Variants in DAGLB observed in about 807,000 individuals in gnomAD.
The protein encoded by DAGLB is diacylglycerol lipase beta.
In DAGLB, 66 loss-of-function variants were observed where a neutral mutation model predicts 72.1. That is an observed-to-expected ratio of 0.92 (90% CI 0.75 to 1.12). DAGLB has a LOEUF of 1.12. Ranked by LOEUF, DAGLB falls within the 50% of genes most tolerant of loss-of-function variation. The probability of loss-of-function intolerance (pLI) is 0.00; values close to 1 mark genes in which losing one functional copy is unlikely to be tolerated. For synonymous variants in DAGLB, 414 were observed against 359.5 expected (o/e 1.15, Z -1.71); for missense variants, 1,065 against 884.9 (o/e 1.20, Z -2.58).
intron 13 of DAGLB, 104 bp from the exon 14 acceptor site, chr7:6,410,484 C>T (rs1156256889): frequency 2.1e-5 from 31 of 1,477,024 alleles, no homozygotes; most frequent in Non-Finnish European, 2.7e-5. Flanking sequence ...GCCCTTTGAC[C>T]CAGAAACCCC....
In DAGLB at chr7:6,437,961, C is replaced by A. The variant is rs532408779; in HGVS notation, c.248-1428G>T. 2.0e-5 allele frequency among the ~76,000 whole-genome samples: 3 copies of A among 152,104 alleles called. No individual in the cohort carries two copies. The South Asian group carries it at 6.2e-4, about 32-fold the overall frequency. ...CCTACCAGGAAATAGCTTTTAAATT[C>A]AAAAAATTATCTTCTGTTAGAATGA... is the stretch of plus-strand genomic sequence containing the variant. On this transcript the variant is annotated intron_variant, in intron 2 of 14. Transcript: ENST00000297056.
chr7:6,433,591 G>C (rs1784560450), intron 4 of DAGLB, among the ~76,000 whole-genome samples: 1 of 152,180 alleles, frequency 6.6e-6, no homozygotes, highest in South Asian at 2.1e-4. Flanking sequence ...TGTAATCCCA[G>C]CACTTTGGGA....
At chr7:6,430,284 C>G (rs56197419) in intron 6 of DAGLB, among the ~76,000 whole-genome samples, 196 bp downstream of exon 6, 11 of 47,800 alleles carry the variant, frequency 2.3e-4, no homozygotes, top group South Asian at 6.6e-4. Context: ...TATATATATG[C>G]AGGGGGGAGG....
chr7:6,416,091 A>G (rs1054211756), intron 11 of DAGLB, among the ~76,000 whole-genome samples: 3 of 152,102 alleles, frequency 2.0e-5, no homozygotes, highest in African/African-American at 4.8e-5. Flanking sequence ...GATCCCTACA[A>G]TCTGCTGCTC....
chr7:6,418,669 TG>T (rs1409630965), intron 9 of DAGLB, among the ~76,000 whole-genome samples: 96 of 119,988 alleles, frequency 8.0e-4, no homozygotes, highest in African/African-American at 4.5e-3. Context: ...TTTCTTTTTT[TG>T]TTTTTTTTTT....
intron 5 of DAGLB, among the ~76,000 whole-genome samples, chr7:6,431,916 C>G (rs1280083640): frequency 2.0e-5 from 3 of 152,150 alleles, no homozygotes; most frequent in Non-Finnish European, 4.4e-5. Context: ...GATTCCAACC[C>G]TGCTGCTAAT....
Position 6,436,358 on chromosome 7 carries a change from T to C in DAGLB, c.419+4A>G. Reference sequence around the variant, plus strand: ...AAACTCAAAGAGAAGAAGGGAGATGTCACCTGACCACGACGGTTGCGATGA... The same window carrying C: ...AAACTCAAAGAGAAGAAGGGAGATGCCACCTGACCACGACGGTTGCGATGA... On this transcript the variant is annotated splice_donor_region_variant and intron_variant, in intron 3 of 14. Transcript: ENST00000297056. 6.2e-7 allele frequency: 1 copy of C among 1,601,866 alleles called. No individual in the cohort carries two copies. The highest frequency in any genetic ancestry group is 8.5e-7 in the Non-Finnish European group (1 of 1,175,742).
At position 6,424,848 on chromosome 7, in the gene DAGLB, G is replaced by C; in HGVS notation, c.1057-13C>G. ...GCAGCTCGTAAACCTGCAGGAGCAA[G>C]AAACAAGCATGGGGCCTAAACAGTG... On this transcript the variant is annotated splice_polypyrimidine_tract_variant and intron_variant, in intron 7 of 14. Transcript: ENST00000297056. 1.2e-6 allele frequency: 2 copies of C among 1,613,298 alleles called. No individual in the cohort carries two copies. The highest frequency in any genetic ancestry group is 1.7e-6 in the Non-Finnish European group (2 of 1,179,436).
chr7:6,432,130 T>G (rs928169412), intron 5 of DAGLB, among the ~76,000 whole-genome samples: 3 of 150,318 alleles, frequency 2.0e-5, no homozygotes, highest in Non-Finnish European at 4.4e-5. Context: ...GCAGGCAGAT[T>G]ACCTGAGGTC....
intron 8 of DAGLB, chr7:6,422,136 G>T: frequency 1.0e-5 from 4 of 388,844 alleles, no homozygotes. Context: ...ACAAAGCCTG[G>T]TTCCCGTCCT....
intron 4 of DAGLB, 124 bp from the exon 5 acceptor site, chr7:6,433,083 G>T: frequency 7.1e-7 from 1 of 1,401,888 alleles, no homozygotes; most frequent in Non-Finnish European, 9.3e-7. Flanking sequence ...AGACACAGAG[G>T]TATGTTAAAA....
chr7:6,425,175 C>T (rs1475389178), intron 7 of DAGLB, among the ~76,000 whole-genome samples: 2 of 152,228 alleles, frequency 1.3e-5, no homozygotes, highest in African/African-American at 4.8e-5. Flanking sequence ...GTGGGAGAGC[C>T]GCCGATCTGC....
Position 6,436,420 on chromosome 7 carries a change from C to T in DAGLB, c.361G>A (p.Asp121Asn), listed in dbSNP as rs773289388. 1.9e-6 allele frequency: 3 copies of T among 1,614,138 alleles called. No homozygotes were observed. The highest frequency in any genetic ancestry group is 2.5e-6 in the Non-Finnish European group (3 of 1,180,032). The change falls in exon 3 of 15, where the codon GAT (aspartate) becomes AAT (asparagine). Residue 121 changes from aspartate (D) to asparagine (N), a missense_variant. Transcript: ENST00000297056. The part of the protein sequence containing the change: ...WASLGAAWVA[D>N]GVQCDRTVVN... ...ACTGTCCTGTCGCACTGAACACCAT[C>T]TGCCACCCAGGCAGCCCCCAGAGAG...
Position 6,409,620 on chromosome 7 carries a change from TC to T in DAGLB, c.*216del, listed in dbSNP as rs1360017963. On this transcript the variant is annotated 3_prime_UTR_variant, in exon 15 of 15. Transcript: ENST00000297056. Reference sequence around the variant, plus strand: ...CACGGTCGCTGGGTCTCAGGAGTCGTCCTATCACCTGAGCGTGCTCACTACT... The same window carrying T: ...CACGGTCGCTGGGTCTCAGGAGTCGTCTATCACCTGAGCGTGCTCACTACT... 8.2e-6 allele frequency: 5 copies of T among 612,330 alleles called. No homozygotes were observed. The highest frequency in any genetic ancestry group is 1.4e-5 in the Non-Finnish European group (5 of 356,004). The allele number at this position is 612,330 out of a possible 1,614,324, so 37.9% of individuals were successfully genotyped here. A position where few individuals can be genotyped will look rare whatever the true frequency, so the allele number is the denominator to read the frequency against.
At chr7:6,436,559 G>T in intron 2 of DAGLB, 26 bp from the exon 3 acceptor site, 1 of 1,613,382 alleles carries the variant, frequency 6.2e-7, no homozygotes, top group Non-Finnish European at 8.5e-7. Context: ...CGTTCCGACT[G>T]CTCAGTTGCT....
chr7:6,421,948 A>G, intron 8 of DAGLB, 144 bp from the exon 9 acceptor site: 1 of 915,348 alleles, frequency 1.1e-6, no homozygotes, highest in Non-Finnish European at 1.7e-6. Flanking sequence ...CTGAACCCTA[A>G]ACTAAAGAGG....
In DAGLB at chr7:6,409,619, G is replaced by A. The variant is rs372178009; in HGVS notation, c.*218C>T. The stretch of plus-strand genomic sequence containing the variant: ...CCACGGTCGCTGGGTCTCAGGAGTC[G>A]TCCTATCACCTGAGCGTGCTCACTA... On this transcript the variant is annotated 3_prime_UTR_variant, in exon 15 of 15. Transcript: ENST00000297056. 1.5e-5 allele frequency: 9 copies of A among 609,002 alleles called. No individual in the cohort carries two copies. The highest frequency in any genetic ancestry group is 3.7e-5 in the African/African-American group (2 of 53,958). 37.7% of individuals were successfully genotyped at this position (609,002 alleles called of 1,614,324 possible).
At chr7:6,419,396 G>T (rs1046777894) in intron 9 of DAGLB, among the ~76,000 whole-genome samples, 10 of 152,276 alleles carry the variant, frequency 6.6e-5, no homozygotes, top group African/African-American at 2.4e-4. Context: ...CCTACCCTGT[G>T]GCTGGTGCTG....
At chr7:6,411,783 G>A (rs147946628) in intron 13 of DAGLB, among the ~76,000 whole-genome samples, 1 of 152,216 alleles carries the variant, frequency 6.6e-6, no homozygotes, top group East Asian at 1.9e-4. Context: ...CTTGGCATAC[G>A]TATTTTCAAA....
Sources: gnomAD v4.1 joint callset for allele counts (sites outside exome capture counted in the v4.1 genomes callset) on GRCh38, gnomAD v4.1.1 for gene constraint, MANE v1.5 for transcripts, NCBI Gene and HGNC (gene_info 2026-07-23, HGNC 2026-07-21) for gene names.